Variants in RANBP2 observed in about 807,000 individuals in gnomAD.
RANBP2 encodes E3 SUMO-protein ligase RanBP2.
RANBP2 carries 57 observed loss-of-function variants against 303.6 expected under a neutral mutation model. That is an observed-to-expected ratio of 0.19 (90% CI 0.15 to 0.23). The LOEUF is 0.23. RANBP2 is among the 10% of genes least tolerant of loss of function. RANBP2 has a pLI of 1.00. For synonymous variants in RANBP2, 1,167 were observed against 1,301.5 expected (o/e 0.90, Z 2.23); for missense variants, 3,138 against 3,780.8 (o/e 0.83, Z 4.46).
the RANBP2 span, among the ~76,000 whole-genome samples, chr2:109,215,948 G>A: frequency 6.6e-6 from 1 of 152,214 alleles, no homozygotes; most frequent in Non-Finnish European, 1.5e-5. Context: ...CAGCGGCCAC[G>A]TGAGCTGGGT....
At chr2:109,702,076 G>A in the RANBP2 span, among the ~76,000 whole-genome samples, 1 of 152,236 alleles carries the variant, frequency 6.6e-6, no homozygotes, top group Non-Finnish European at 1.5e-5. Flanking sequence ...CTCAATGCCA[G>A]GAGTCCCTCT....
At chr2:109,621,387 G>A in the RANBP2 span, among the ~76,000 whole-genome samples, 3 of 151,914 alleles carry the variant, frequency 2.0e-5, no homozygotes, top group Admixed American at 6.6e-5. Context: ...TCCTGACCTC[G>A]TGATCTGCCC....
At chr2:109,780,604 GTATAA>G in the RANBP2 span, among the ~76,000 whole-genome samples, 1 of 59,872 alleles carries the variant, frequency 1.7e-5, no homozygotes, top group Non-Finnish European at 2.8e-5. Context: ...TATAGGGTAC[GTATAA>G]TATAATATTT....
the RANBP2 span, chr2:109,614,891 G>A: frequency 7.0e-7 from 1 of 1,436,658 alleles, no homozygotes; most frequent in Non-Finnish European, 9.0e-7. Flanking sequence ...GCCGCGAGCT[G>A]GGCGAGGGAG....
the RANBP2 span, among the ~76,000 whole-genome samples, chr2:108,857,998 A>G: frequency 5.3e-5 from 8 of 152,248 alleles, no homozygotes; most frequent in East Asian, 1.9e-4. Context: ...AATAAAGTCT[A>G]TTAGAGGAGA....
At chr2:109,061,875 T>C in the RANBP2 span, among the ~76,000 whole-genome samples, 1 of 152,190 alleles carries the variant, frequency 6.6e-6, no homozygotes, top group Non-Finnish European at 1.5e-5. Flanking sequence ...CAGTGTGGGA[T>C]GCGACTGGAG....
At chr2:109,060,816 GA>G in the RANBP2 span, among the ~76,000 whole-genome samples, 2 of 152,098 alleles carry the variant, frequency 1.3e-5, no homozygotes, top group South Asian at 2.1e-4. Flanking sequence ...GATTTTCTCT[GA>G]GATTATAATT....
the RANBP2 span, among the ~76,000 whole-genome samples, chr2:109,174,430 G>A: frequency 3.9e-5 from 6 of 152,318 alleles, no homozygotes; most frequent in East Asian, 5.8e-4. Flanking sequence ...CAGCTGGGGC[G>A]TGGGTGGGAC....
At chr2:109,695,103 T>C in the RANBP2 span, among the ~76,000 whole-genome samples, 1 of 152,190 alleles carries the variant, frequency 6.6e-6, no homozygotes, top group Non-Finnish European at 1.5e-5. Flanking sequence ...TAAAATTTCA[T>C]TTCTTCTATT....
At chr2:109,677,486 T>C in the RANBP2 span, among the ~76,000 whole-genome samples, 1 of 152,190 alleles carries the variant, frequency 6.6e-6, no homozygotes, top group Non-Finnish European at 1.5e-5. Flanking sequence ...ACTGCTTCCA[T>C]GGTAACAGTG....
At chr2:109,760,444 C>A in the RANBP2 span, 1 of 966,824 alleles carries the variant, frequency 1.0e-6, no homozygotes, top group Non-Finnish European at 1.2e-6. Flanking sequence ...GGGCCGGGGG[C>A]GGCGGCGGCG....
At chr2:108,891,719 G>A in the RANBP2 span, among the ~76,000 whole-genome samples, 6 of 152,246 alleles carry the variant, frequency 3.9e-5, no homozygotes, top group South Asian at 1.2e-3. Context: ...TGGGCCTTTG[G>A]GCAGCTGGCA....
At chr2:109,233,058 G>A in the RANBP2 span, among the ~76,000 whole-genome samples, 2 of 152,138 alleles carry the variant, frequency 1.3e-5, no homozygotes, top group African/African-American at 4.8e-5. Context: ...TGCTGGGGCC[G>A]GAGCTAGTGC....
the RANBP2 span, among the ~76,000 whole-genome samples, chr2:109,444,501 A>G: frequency 3.3e-5 from 5 of 152,154 alleles, no homozygotes; most frequent in Non-Finnish European, 5.9e-5. Context: ...GCCAGTTCTA[A>G]AAATTCCATC....
At chr2:109,761,280 TCCACCGAG>T in the RANBP2 span, among the ~76,000 whole-genome samples, 2 of 144,946 alleles carry the variant, frequency 1.4e-5, no homozygotes, top group Non-Finnish European at 3.1e-5. Flanking sequence ...CCCACCCACT[TCCACCGAG>T]ATGGAAAAGT....
chr2:109,031,112 G>A, the RANBP2 span, among the ~76,000 whole-genome samples: 7 of 152,252 alleles, frequency 4.6e-5, no homozygotes, highest in African/African-American at 1.4e-4. Context: ...TTGGGCAATG[G>A]TAAGAACTCC....
At chr2:109,554,337 T>C in the RANBP2 span, among the ~76,000 whole-genome samples, 841 of 152,314 alleles carry the variant, frequency 5.5e-3, 11 homozygotes, top group South Asian at 0.056. Flanking sequence ...TGTCCTACAT[T>C]TGTGTATCGT....
the RANBP2 span, among the ~76,000 whole-genome samples, chr2:108,973,388 G>A: frequency 1.3e-5 from 2 of 152,244 alleles, no homozygotes; most frequent in African/African-American, 4.8e-5. Flanking sequence ...TGCAGAGAGA[G>A]TGTCCGCCAT....
At chr2:109,043,703 C>T in the RANBP2 span, among the ~76,000 whole-genome samples, 1 of 152,208 alleles carries the variant, frequency 6.6e-6, no homozygotes, top group Admixed American at 6.5e-5. Flanking sequence ...AGAGAAGACA[C>T]ACATCAGGAG....
Sources: gnomAD v4.1 joint callset for allele counts (sites outside exome capture counted in the v4.1 genomes callset) on GRCh38, gnomAD v4.1.1 for gene constraint, MANE v1.5 for transcripts, NCBI Gene and HGNC (gene_info 2026-07-23, HGNC 2026-07-21) for gene names.